The following GALNTL6 variants were observed in gnomAD, a reference collection of about 807,000 sequenced individuals.
The protein encoded by GALNTL6 is polypeptide N-acetylgalactosaminyltransferase-like 6.
In GALNTL6, 46 loss-of-function variants were observed where a neutral mutation model predicts 73.7. The observed-to-expected ratio is 0.62, with a 90% CI of 0.49 to 0.80. The LOEUF (loss-of-function observed/expected upper bound fraction) is 0.80, where lower values mean the gene tolerates loss of function less well. GALNTL6 is among the 30% of genes least tolerant of loss of function. The pLI is 0.00. For synonymous variants in GALNTL6, 259 were observed against 263.7 expected, an observed-to-expected ratio of 0.98 and a Z score of 0.17; for missense variants, 604 against 755.0, an observed-to-expected ratio of 0.80 and a Z score of 2.34.
intron 2 of GALNTL6, among the ~76,000 whole-genome samples, chr4:172,121,334 G>A (rs1000376474): frequency 6.7e-6 from 1 of 149,830 alleles, no homozygotes; most frequent in Non-Finnish European, 1.5e-5. Context: ...TGTGGTTTTT[G>A]CAGTCTTCTG....
At chr4:171,987,904 G>GT in intron 2 of GALNTL6, among the ~76,000 whole-genome samples, 1 of 152,150 alleles carries the variant, frequency 6.6e-6, no homozygotes, top group Non-Finnish European at 1.5e-5. Context: ...GGAATAATGT[G>GT]GAAGTCGGGA....
intron 7 of GALNTL6, among the ~76,000 whole-genome samples, chr4:172,838,148 T>TG (rs894361668): frequency 2.7e-5 from 4 of 149,876 alleles, no homozygotes; most frequent in Admixed American, 2.0e-4. Context: ...AGTTGAGAGA[T>TG]GGGGGGGCAC....
At chr4:171,962,608 C>G (rs1407485086) in intron 2 of GALNTL6, among the ~76,000 whole-genome samples, 1 of 151,922 alleles carries the variant, frequency 6.6e-6, no homozygotes, top group Non-Finnish European at 1.5e-5. Flanking sequence ...TGGGAATTGC[C>G]CACTCCTTTC....
In GALNTL6 at chr4:172,406,162, T is replaced by C. The variant is rs1292953453; in HGVS notation, c.553+57473T>C. Among the ~76,000 whole-genome samples, 8 of 152,036 alleles carry C rather than the reference T, an allele frequency of 5.3e-5. No homozygotes were observed. In the East Asian group the frequency reaches 1.4e-3, roughly 26 times the overall value. ...ATGTATATATTAATAATACACATTT[T>C]ATCTGTCTCTGTTTATTTACTTATT... On this transcript the variant is annotated intron_variant, in intron 5 of 12. Coordinates refer to ENST00000506823, the MANE Select transcript of GALNTL6 (RefSeq NM_001034845.3).
intron 10 of GALNTL6, among the ~76,000 whole-genome samples, chr4:172,998,251 C>T (rs1245836813): frequency 6.6e-6 from 1 of 152,048 alleles, no homozygotes; most frequent in African/African-American, 2.4e-5. Flanking sequence ...TCTGTTTAAG[C>T]AAAAATGGTG....
chr4:171,965,628 C>G (rs568914055), intron 2 of GALNTL6, among the ~76,000 whole-genome samples: 1 of 118,528 alleles, frequency 8.4e-6, no homozygotes, highest in Non-Finnish European at 1.6e-5. Context: ...TGCACTCCAG[C>G]CTGGGCGACA....
At chr4:172,437,019 T>C (rs1731656113) in intron 5 of GALNTL6, among the ~76,000 whole-genome samples, 1 of 152,090 alleles carries the variant, frequency 6.6e-6, no homozygotes, top group African/African-American at 2.4e-5. Context: ...TCTATGATTT[T>C]TTGCACATAT....
intron 3 of GALNTL6, among the ~76,000 whole-genome samples, chr4:172,281,702 C>A (rs2111080525): frequency 1.3e-5 from 2 of 152,242 alleles, no homozygotes; most frequent in Middle Eastern, 6.8e-3. Context: ...CAGAGTGAGA[C>A]CTTGTCAAAA....
At chr4:172,753,389 A>G (rs1452999984) in intron 5 of GALNTL6, among the ~76,000 whole-genome samples, 2 of 152,226 alleles carry the variant, frequency 1.3e-5, no homozygotes, top group East Asian at 3.8e-4. Flanking sequence ...AATAGAGTAC[A>G]TTTAATCACA....
intron 5 of GALNTL6, among the ~76,000 whole-genome samples, chr4:172,789,434 C>T (rs746976962): frequency 9.2e-5 from 14 of 152,136 alleles, no homozygotes; most frequent in Admixed American, 7.9e-4. Flanking sequence ...TTTTTTAGCT[C>T]GTCAGCTATC....
chr4:172,772,889 G>C (rs71607895), intron 5 of GALNTL6, among the ~76,000 whole-genome samples: 1 of 152,268 alleles, frequency 6.6e-6, no homozygotes, highest in South Asian at 2.1e-4. Context: ...TTATAAGAGG[G>C]AAGAAGAGGG....
At chr4:171,926,316 T>C (rs1385348089) in intron 2 of GALNTL6, among the ~76,000 whole-genome samples, 1 of 152,162 alleles carries the variant, frequency 6.6e-6, no homozygotes, top group African/African-American at 2.4e-5. Flanking sequence ...TGAACATATA[T>C]GTATACTTTT....
intron 5 of GALNTL6, among the ~76,000 whole-genome samples, chr4:172,716,556 G>A (rs77729441): frequency 0.014 from 2,154 of 152,022 alleles, 42 homozygotes; most frequent in African/African-American, 0.047. Context: ...CTCCCATAAC[G>A]CGGCCCATGA....
rs561807804 is a variant in GALNTL6, at chr4:173,024,869, G to A, written c.1638+3244G>A. Among the ~76,000 whole-genome samples the A allele has an allele frequency of 3.8e-4, 58 of 152,184 alleles. 1 individual carries two copies. The highest frequency in any genetic ancestry group is 2.1e-4 in the South Asian group (1 of 4,812). ...GCTGGGATTACAGGCACAAGCCACCGTGCCCAGCCTGGAACTCCCACTTTT... is the reference window on the plus strand; with the variant it reads ...GCTGGGATTACAGGCACAAGCCACCATGCCCAGCCTGGAACTCCCACTTTT... On this transcript the variant is annotated intron_variant, in intron 12 of 12. Transcript: ENST00000506823.
intron 5 of GALNTL6, among the ~76,000 whole-genome samples, chr4:172,651,872 A>G (rs1209799056): frequency 6.6e-6 from 1 of 152,206 alleles, no homozygotes; most frequent in Non-Finnish European, 1.5e-5. Flanking sequence ...AATTTGAACC[A>G]TAAAGAGTGC....
chr4:173,011,903 T>C (rs528839662), intron 11 of GALNTL6, among the ~76,000 whole-genome samples: 1 of 152,202 alleles, frequency 6.6e-6, no homozygotes, highest in South Asian at 2.1e-4. Flanking sequence ...CTTTTAGCGT[T>C]TTCGTTTCTT....
intron 2 of GALNTL6, among the ~76,000 whole-genome samples, chr4:171,956,074 C>T (rs1739038243): frequency 6.6e-6 from 1 of 152,146 alleles, no homozygotes; most frequent in East Asian, 1.9e-4. Context: ...GCAATTATGG[C>T]TCACTGCAGC....
At chr4:171,932,470 CCCGCCAAGCA>C (rs1738218454) in intron 2 of GALNTL6, among the ~76,000 whole-genome samples, 1 of 152,138 alleles carries the variant, frequency 6.6e-6, no homozygotes, top group Non-Finnish European at 1.5e-5. Context: ...AGCCAGTGGG[CCCGCCAAGCA>C]CCTCTCTGAG....
intron 3 of GALNTL6, among the ~76,000 whole-genome samples, chr4:172,235,325 A>G (rs995244222): frequency 2.0e-5 from 3 of 152,030 alleles, no homozygotes; most frequent in African/African-American, 4.8e-5. Context: ...CTCCTGCCTC[A>G]GCCTCCCGAG....
Sources: gnomAD v4.1 joint callset for allele counts (sites outside exome capture counted in the v4.1 genomes callset) on GRCh38, gnomAD v4.1.1 for gene constraint, MANE v1.5 for transcripts, NCBI Gene and HGNC (gene_info 2026-07-23, HGNC 2026-07-21) for gene names.